ODF2: variants seen among roughly 807,000 people sequenced by gnomAD.
ODF2 encodes the protein outer dense fiber protein 2.
ODF2 carries 47 observed loss-of-function variants against 110.2 expected under a neutral mutation model. That is an observed-to-expected ratio of 0.43 (90% CI 0.34 to 0.54). The LOEUF is 0.54. Among genes scored for constraint, ODF2 ranks in the 20% least tolerant of loss-of-function variants. ODF2 has a pLI of 0.03. For synonymous variants in ODF2, 352 were observed against 397.7 expected, an observed-to-expected ratio of 0.89 and a Z score of 1.37; for missense variants, 812 against 1,054.5, an observed-to-expected ratio of 0.77 and a Z score of 3.19.
At chr9:128,473,531 C>T in intron 7 of ODF2, 79 bp from the exon 8 acceptor site, 1 of 1,578,502 alleles carries the variant, frequency 6.3e-7, no homozygotes, top group South Asian at 1.2e-5. Flanking sequence ...CTTTCTGGCA[C>T]CAGACCTCTT....
chr9:128,471,265 A>G (rs1200751222), intron 5 of ODF2, 43 bp from the exon 6 acceptor site: 4 of 1,568,074 alleles, frequency 2.6e-6, no homozygotes, highest in East Asian at 2.3e-5. Flanking sequence ...GCATAGAGGA[A>G]GGACCTCCCT....
chr9:128,461,237 G>A, intron 4 of ODF2, 170 bp downstream of exon 4: 1 of 817,908 alleles, frequency 1.2e-6, no homozygotes, highest in African/African-American at 1.7e-5. Context: ...GAGTTCTTAT[G>A]ATACTGCTGT....
chr9:128,472,855 G>C (rs1349595173), intron 6 of ODF2, 58 bp from the exon 7 acceptor site: 1 of 1,608,716 alleles, frequency 6.2e-7, no homozygotes, highest in Non-Finnish European at 8.5e-7. Context: ...GGCAAGCCTT[G>C]GATCTCTGGG....
chr9:128,487,564 G>T (rs1357308829), intron 13 of ODF2, among the ~76,000 whole-genome samples: 1 of 152,114 alleles, frequency 6.6e-6, no homozygotes, highest in Non-Finnish European at 1.5e-5. Flanking sequence ...GAGGCGGGCA[G>T]ATCACGAGGT....
At chr9:128,496,013 A>C in intron 17 of ODF2, 28 bp from the exon 18 acceptor site, 2 of 1,612,862 alleles carry the variant, frequency 1.2e-6, no homozygotes, top group Non-Finnish European at 8.5e-7. Context: ...ATTCCTTTGT[A>C]AACCAGTCTG....
chr9:128,456,777 C>T lies in ODF2; in HGVS notation c.-208-421C>T. 3 of 1,310,968 alleles carry T rather than the reference C, an allele frequency of 2.3e-6. 1 individual carries two copies. In the South Asian group the frequency reaches 5.2e-5, roughly 23 times the overall value. The allele number at this position is 1,310,968 out of a possible 1,614,324, so 81.2% of individuals were successfully genotyped here. A position where few individuals can be genotyped will look rare whatever the true frequency, so the allele number is the denominator to read the frequency against. On this transcript the variant is annotated intron_variant, in intron 1 of 20. Coordinates refer to ENST00000604420, the Ensembl canonical transcript of ODF2. ...GCCCGGCGGGGGGGGGTCCCGCCCG[C>T]CCCCTCCCAGCCCGGCGTCTATCCT...
In ODF2 at chr9:128,482,796, C is replaced by T. The variant is rs771562974; in HGVS notation, c.916-20C>T. ...CTTTGCCCTTCCCAGGGGCACCTGA[C>T]AGCCTGTGTTCTCTCCCAGCGCCTG... On this transcript the variant is annotated intron_variant, in intron 9 of 20. Transcript: ENST00000604420. The T allele has an allele frequency of 6.2e-7, 1 of 1,608,124 alleles. No individual in the cohort carries two copies. The highest frequency in any genetic ancestry group is 2.2e-5 in the East Asian group (1 of 44,812).
intron 6 of ODF2, among the ~76,000 whole-genome samples, chr9:128,471,973 G>A (rs1030684684): frequency 1.3e-5 from 2 of 152,112 alleles, no homozygotes; most frequent in African/African-American, 4.8e-5. Context: ...CCATGGAAAG[G>A]ATTTATTTTA....
At chr9:128,461,837 A>G (rs768717110) in intron 4 of ODF2, among the ~76,000 whole-genome samples, 4 of 152,232 alleles carry the variant, frequency 2.6e-5, no homozygotes, top group Admixed American at 6.5e-5. Context: ...TCATAAAACT[A>G]TGTCAAAACT....
At chr9:128,470,074 C>G (rs1245275384) in intron 5 of ODF2, among the ~76,000 whole-genome samples, 2 of 114,230 alleles carry the variant, frequency 1.8e-5, no homozygotes, top group African/African-American at 6.5e-5. Flanking sequence ...AAAACAAAGC[C>G]CCAAAGAGGC....
At chr9:128,498,371 G>A in intron 18 of ODF2, 42 bp from the exon 19 acceptor site, 1 of 1,493,956 alleles carries the variant, frequency 6.7e-7, no homozygotes, top group South Asian at 1.4e-5. Context: ...GAACATGACA[G>A]GTTGGGGTAT....
rs1045312858 is a variant in ODF2, at chr9:128,457,008, C to T, written c.-208-190C>T. Reference sequence around the variant, plus strand: ...TGGCCCTCTGGGGCCCACTTGGGGCCGAGCGGTTCTCACCCGCCCTCTCCG... The same window carrying T: ...TGGCCCTCTGGGGCCCACTTGGGGCTGAGCGGTTCTCACCCGCCCTCTCCG... On this transcript the variant is annotated intron_variant, in intron 1 of 20. Coordinates refer to ENST00000604420, the Ensembl canonical transcript of ODF2. 12 of 1,254,996 alleles carry T rather than the reference C, an allele frequency of 9.6e-6. No individual in the cohort carries two copies. The African/African-American group carries it at 1.7e-4, about 18-fold the overall frequency. 77.7% of individuals were successfully genotyped at this position (1,254,996 alleles called of 1,614,324 possible).
intron 9 of ODF2, among the ~76,000 whole-genome samples, chr9:128,482,201 T>C (rs1327256445): frequency 6.6e-6 from 1 of 152,202 alleles, no homozygotes; most frequent in Non-Finnish European, 1.5e-5. Context: ...TATTAATGCT[T>C]TTGTAAGTCT....
chr9:128,491,084 C>G (rs1020474557), intron 14 of ODF2, among the ~76,000 whole-genome samples: 5 of 151,796 alleles, frequency 3.3e-5, no homozygotes, highest in Admixed American at 3.3e-4. Context: ...AACTCCAGAC[C>G]TCCAGGCTGG....
At chr9:128,487,368 C>G (rs944939514) in intron 13 of ODF2, among the ~76,000 whole-genome samples, 2 of 152,196 alleles carry the variant, frequency 1.3e-5, no homozygotes, top group African/African-American at 2.4e-5. Flanking sequence ...GGGAGTACCA[C>G]AGCAGCAATG....
chr9:128,456,344 C>G, intron 1 of ODF2, 89 bp downstream of exon 1: 2 of 1,441,148 alleles, frequency 1.4e-6, no homozygotes, highest in South Asian at 2.9e-5. Flanking sequence ...CGGTCGACCC[C>G]GCGGGGCCGT....
chr9:128,456,463 C>T (rs981278350), intron 1 of ODF2: 6 of 1,518,072 alleles, frequency 4.0e-6, no homozygotes, highest in Non-Finnish European at 5.3e-6. Flanking sequence ...AACGGGCGGT[C>T]GGCCGCCTCC....
At chr9:128,487,788 A>G in intron 13 of ODF2, 102 bp from the exon 14 acceptor site, 1 of 1,364,416 alleles carries the variant, frequency 7.3e-7, no homozygotes, top group Middle Eastern at 1.9e-4. Flanking sequence ...CTCCGTCTAA[A>G]AAAACAAACA....
At chr9:128,498,924 T>G (rs752036533) in intron 19 of ODF2, 77 bp from the exon 20 acceptor site, 2 of 1,584,016 alleles carry the variant, frequency 1.3e-6, no homozygotes, top group African/African-American at 1.3e-5. Flanking sequence ...GACCAGATAG[T>G]GGGCCCAGCC....
Sources: allele counts gnomAD v4.1 joint callset (sites outside exome capture counted in the v4.1 genomes callset), GRCh38; gene constraint gnomAD v4.1.1; transcripts MANE v1.5; gene names NCBI Gene and HGNC (gene_info 2026-07-23, HGNC 2026-07-21).